The following CFAP299 variants were observed in gnomAD, a reference collection of about 807,000 sequenced individuals.
The protein encoded by CFAP299 is cilia and flagella associated protein 299, also known as cilia- and flagella-associated protein 299.
In CFAP299, 21 loss-of-function variants were observed where a neutral mutation model predicts 27.0. The ratio of observed to expected loss-of-function variants is 0.78; its 90% CI spans 0.55 to 1.12. CFAP299 has a LOEUF of 1.12. Ranked by LOEUF, CFAP299 falls within the 50% of genes most tolerant of loss-of-function variation. The pLI is 0.00. For missense variants in CFAP299, 310 were observed against 276.6 expected (o/e 1.12, Z -0.86); for synonymous variants, 104 against 98.1 (o/e 1.06, Z -0.36).
intron 2 of CFAP299, among the ~76,000 whole-genome samples, chr4:80,531,832 C>T (rs547496600): frequency 6.7e-6 from 1 of 149,552 alleles, no homozygotes; most frequent in Non-Finnish European, 1.5e-5. Context: ...CGGCTCACTG[C>T]AACCTCTGTC....
chr4:80,821,409 A>G (rs1204488147), intron 3 of CFAP299, among the ~76,000 whole-genome samples: 2 of 151,906 alleles, frequency 1.3e-5, no homozygotes, highest in African/African-American at 4.8e-5. Context: ...AGTAACCCCC[A>G]CCTCCCTCAT....
intron 3 of CFAP299, among the ~76,000 whole-genome samples, chr4:80,714,985 G>C (rs899457552): frequency 6.6e-6 from 1 of 152,036 alleles, no homozygotes; most frequent in African/African-American, 2.4e-5. Context: ...TTATGTTCAA[G>C]CTACCTAGAG....
chr4:80,843,377 A>G (rs1730973654), intron 3 of CFAP299, among the ~76,000 whole-genome samples: 1 of 152,038 alleles, frequency 6.6e-6, no homozygotes, highest in Non-Finnish European at 1.5e-5. Context: ...GATGGTTTCC[A>G]GCTTCATCCA....
At chr4:80,528,378 A>G (rs976171859) in intron 2 of CFAP299, among the ~76,000 whole-genome samples, 1 of 152,026 alleles carries the variant, frequency 6.6e-6, no homozygotes, top group African/African-American at 2.4e-5. Context: ...GATCATATTT[A>G]TGGTTCATGT....
intron 2 of CFAP299, among the ~76,000 whole-genome samples, chr4:80,398,559 T>C (rs529176802): frequency 1.3e-5 from 2 of 152,168 alleles, no homozygotes; most frequent in Non-Finnish European, 2.9e-5. Context: ...ATCTGATCTT[T>C]GACAAACTTG....
At chr4:80,353,615 C>G in intron 1 of CFAP299, among the ~76,000 whole-genome samples, 1 of 152,130 alleles carries the variant, frequency 6.6e-6, no homozygotes, top group East Asian at 1.9e-4. Flanking sequence ...AGTAGCTGTT[C>G]CTGGAAGCAG....
At chr4:80,397,818 T>C (rs1175472281) in intron 2 of CFAP299, among the ~76,000 whole-genome samples, 1 of 152,156 alleles carries the variant, frequency 6.6e-6, no homozygotes, top group African/African-American at 2.4e-5. Flanking sequence ...TTCAACATAG[T>C]GTTGGAAGTT....
intron 3 of CFAP299, among the ~76,000 whole-genome samples, chr4:80,779,000 CTATT>C (rs1726719227): frequency 1.3e-5 from 2 of 152,156 alleles, no homozygotes; most frequent in African/African-American, 4.8e-5. Flanking sequence ...CATGTATTTA[CTATT>C]TATTATATAC....
At chr4:80,616,803 A>G (rs1577937140) in intron 3 of CFAP299, among the ~76,000 whole-genome samples, 1 of 152,174 alleles carries the variant, frequency 6.6e-6, no homozygotes, top group Non-Finnish European at 1.5e-5. Context: ...TAGAACATCT[A>G]TATAGGGGTA....
chr4:80,386,244 C>T, intron 2 of CFAP299: 1 of 1,113,022 alleles, frequency 9.0e-7, no homozygotes. Context: ...CCCCGGCCTG[C>T]AGCCCCGCCA....
rs780878292 is a variant in CFAP299 at position 80,536,400 on chromosome 4, G to T, written c.243-46693G>T. Among the ~76,000 whole-genome samples the T allele has an allele frequency of 5.3e-5, 8 of 152,148 alleles. No homozygotes were observed. In the East Asian group the frequency reaches 1.5e-3, roughly 29 times the overall value. Reference sequence around the variant, plus strand: ...CTCTAAATCATAGTATATACGTATCGTTTGAAAGCAATCTTGAGCAAAAGG... The same window carrying T: ...CTCTAAATCATAGTATATACGTATCTTTTGAAAGCAATCTTGAGCAAAAGG... On this transcript the variant is annotated intron_variant, in intron 2 of 5. Transcript: ENST00000358105.
intron 4 of CFAP299, among the ~76,000 whole-genome samples, chr4:80,939,763 T>G (rs1267634487): frequency 6.6e-6 from 1 of 152,170 alleles, no homozygotes; most frequent in Non-Finnish European, 1.5e-5. Context: ...CATTTTCAAG[T>G]CTTTACTATC....
chr4:80,803,841 GA>G (rs1388695378), intron 3 of CFAP299, among the ~76,000 whole-genome samples: 2 of 151,722 alleles, frequency 1.3e-5, no homozygotes, highest in Admixed American at 6.6e-5. Flanking sequence ...TTATTTTTCA[GA>G]GTATAGTTCA....
At position 80,909,807 on chromosome 4, in the gene CFAP299, A is replaced by G. The variant is rs55980431; in HGVS notation, c.477-35003A>G. Among the ~76,000 whole-genome samples, 554 of 152,278 alleles carry G rather than the reference A, an allele frequency of 3.6e-3. 2 individuals are homozygous for G. The highest frequency in any genetic ancestry group is 0.013 in the African/African-American group (520 of 41,576). Reference sequence around the variant, plus strand: ...GTTAATGTAAAATACAGAAAGCAGCATGCTTTAGACTATCAAATTTCAGTA... The same window carrying G: ...GTTAATGTAAAATACAGAAAGCAGCGTGCTTTAGACTATCAAATTTCAGTA... On this transcript the variant is annotated intron_variant, in intron 4 of 5. Coordinates refer to ENST00000358105, the MANE Select transcript of CFAP299 (RefSeq NM_152770.3).
chr4:80,418,196 A>G (rs372139528), intron 2 of CFAP299, among the ~76,000 whole-genome samples: 3 of 151,834 alleles, frequency 2.0e-5, no homozygotes, highest in Non-Finnish European at 4.4e-5. Context: ...GAATCACTGT[A>G]AATTTTGTGA....
chr4:80,770,992 A>C (rs1173062671), intron 3 of CFAP299, among the ~76,000 whole-genome samples: 1 of 152,054 alleles, frequency 6.6e-6, no homozygotes, highest in Non-Finnish European at 1.5e-5. Flanking sequence ...TTCTTACTGA[A>C]CTCAAAGTTA....
intron 1 of CFAP299, among the ~76,000 whole-genome samples, chr4:80,338,462 C>G (rs935378300): frequency 1.3e-5 from 2 of 152,120 alleles, no homozygotes; most frequent in African/African-American, 2.4e-5. Context: ...GCTAGAGTCA[C>G]AAGATTTTTT....
At chr4:80,651,734 GTGTGTT>G (rs1385281970) in intron 3 of CFAP299, among the ~76,000 whole-genome samples, 2 of 151,400 alleles carry the variant, frequency 1.3e-5, no homozygotes, top group Admixed American at 6.6e-5. Context: ...GTGTGTGTGT[GTGTGTT>G]TGTGTGTCTG....
intron 3 of CFAP299, among the ~76,000 whole-genome samples, chr4:80,644,164 G>A (rs1266675200): frequency 2.6e-5 from 4 of 152,084 alleles, no homozygotes; most frequent in Non-Finnish European, 1.5e-5. Flanking sequence ...ACAGAGTAAT[G>A]TGCTTATTGT....
Sources: gnomAD v4.1 joint callset for allele counts (sites outside exome capture counted in the v4.1 genomes callset) on GRCh38, gnomAD v4.1.1 for gene constraint, MANE v1.5 for transcripts, NCBI Gene and HGNC (gene_info 2026-07-23, HGNC 2026-07-21) for gene names.